Variants in PALLD observed in about 807,000 individuals in gnomAD.
The protein encoded by PALLD is palladin, cytoskeletal associated protein.
In PALLD, 61 loss-of-function variants were observed where a neutral mutation model predicts 123.5. The observed-to-expected ratio is 0.49, with a 90% CI of 0.40 to 0.61. The LOEUF (loss-of-function observed/expected upper bound fraction) is 0.61. Among genes scored for constraint, PALLD ranks in the 20% least tolerant of loss-of-function variants. The pLI is 0.00. For synonymous variants in PALLD, 465 were observed against 496.4 expected, an observed-to-expected ratio of 0.94 and a Z score of 0.84; for missense variants, 1,273 against 1,377.0, an observed-to-expected ratio of 0.92 and a Z score of 1.20.
At chr4:168,902,150 TGACA>T (rs1165209388) in intron 14 of PALLD, among the ~76,000 whole-genome samples, 1 of 152,234 alleles carries the variant, frequency 6.6e-6, no homozygotes, top group Non-Finnish European at 1.5e-5. Context: ...TCAAATACTT[TGACA>T]GACAGTTGAA....
intron 5 of PALLD, among the ~76,000 whole-genome samples, chr4:168,683,670 T>G (rs1561394686): frequency 6.6e-6 from 1 of 151,256 alleles, no homozygotes; most frequent in Non-Finnish European, 1.5e-5. Flanking sequence ...CAATATGAAC[T>G]TCTTTTAAAA....
Position 168,512,174 on chromosome 4 carries a change from A to G in PALLD, c.670A>G (p.Met224Val), listed in dbSNP as rs535797778. ...GAGTGCCTCAGCCAGCCAGAGCCCT[A>G]TGGAAGACCAAGGGGAGATGGAAAG... The part of the protein sequence containing the change: ...LLSASASQSP[M>V]EDQGEMEREV... Residue 224 changes from methionine to valine, a missense_variant, in exon 2 of 22, where the codon ATG becomes GTG. Physicochemically the swap from Met to Val is conservative, Grantham distance 21. This residue lies in a region of PALLD where 944 missense variants were observed against 954.5 expected (regional missense o/e 0.99). Coordinates refer to ENST00000505667, the MANE Select transcript of PALLD (RefSeq NM_001166108.2). 7.4e-6 allele frequency: 12 copies of G among 1,613,918 alleles called. No individual in the cohort carries two copies. The highest frequency in any genetic ancestry group is 1.3e-5 in the African/African-American group (1 of 74,888).
chr4:168,520,115 A>G (rs1049837047), intron 2 of PALLD, among the ~76,000 whole-genome samples: 1 of 152,002 alleles, frequency 6.6e-6, no homozygotes, highest in Non-Finnish European at 1.5e-5. Flanking sequence ...TCACGAGGAC[A>G]GGAGATGGAG....
chr4:168,563,374 A>G (rs553820991), intron 2 of PALLD, among the ~76,000 whole-genome samples: 40 of 152,312 alleles, frequency 2.6e-4, no homozygotes, highest in African/African-American at 8.9e-4. Context: ...GAGGTTCTCT[A>G]TCATTTAAAG....
chr4:168,911,561 T>C (rs1319576292), intron 15 of PALLD, among the ~76,000 whole-genome samples: 13 of 152,232 alleles, frequency 8.5e-5, no homozygotes, highest in Admixed American at 7.9e-4. Flanking sequence ...ATGTGTTATC[T>C]TGTATGATGC....
chr4:168,763,721 G>A (rs1284940892), intron 10 of PALLD, among the ~76,000 whole-genome samples: 1 of 152,172 alleles, frequency 6.6e-6, no homozygotes, highest in East Asian at 1.9e-4. Flanking sequence ...GAACACCAGT[G>A]CATGGAGCCA....
Position 168,668,321 on chromosome 4 carries a change from C to T in PALLD, c.1040C>T (p.Thr347Met), listed in dbSNP as rs150711066. ...DDTGRYTCLA[T>M]NPSGSDTTSA... is the part of the protein sequence containing the mutation. ...ACAGGTCGCTACACCTGTTTGGCTA[C>T]GAATCCCAGCGGCTCAGACACAACA... Residue 347 changes from threonine (T) to methionine (M), a missense_variant, in exon 3 of 22, where the codon ACG becomes ATG. Physicochemically the swap from Thr to Met is moderately conservative, Grantham distance 81. Coordinates refer to ENST00000505667, the MANE Select transcript of PALLD (RefSeq NM_001166108.2). 1.1e-3 allele frequency: 1,717 copies of T among 1,612,192 alleles called. 5 individuals carry two copies. Among genetic ancestry groups the T allele is most frequent in the Non-Finnish European group, 1.3e-3 (1,518 of 1,178,756 alleles).
chr4:168,532,129 G>A (rs907890707), intron 2 of PALLD, among the ~76,000 whole-genome samples: 7 of 152,032 alleles, frequency 4.6e-5, no homozygotes, highest in African/African-American at 1.7e-4. Context: ...GTTGTTCCCT[G>A]CTATGTGTCC....
intron 15 of PALLD, among the ~76,000 whole-genome samples, chr4:168,913,433 G>A (rs953593482): frequency 4.6e-5 from 7 of 151,966 alleles, no homozygotes; most frequent in Admixed American, 2.6e-4. Context: ...CATCGTGCCC[G>A]GCCAGCCACT....
intron 2 of PALLD, among the ~76,000 whole-genome samples, chr4:168,580,912 C>T (rs1770196632): frequency 6.6e-6 from 1 of 151,416 alleles, no homozygotes; most frequent in African/African-American, 2.4e-5. Context: ...TAATTAGCAG[C>T]CAAAAAATGA....
chr4:168,719,181 C>T (rs1014977178), intron 10 of PALLD, among the ~76,000 whole-genome samples: 38 of 150,638 alleles, frequency 2.5e-4, no homozygotes, highest in Non-Finnish European at 2.9e-5. Context: ...GCTGGGATTA[C>T]AGGCGTGAGC....
At chr4:168,526,799 GAAACAAGCTTGAAGCC>G (rs1366588678) in intron 2 of PALLD, among the ~76,000 whole-genome samples, 1 of 151,964 alleles carries the variant, frequency 6.6e-6, no homozygotes, top group African/African-American at 2.4e-5. Context: ...ATCAGAGCAG[GAAACAAGCTTGAAGCC>G]AGGGGTAAAA....
At position 168,852,422 on chromosome 4, in the gene PALLD, TGAAAA is replaced by T. The variant is rs577112575; in HGVS notation, c.1965-38485_1965-38481del. Among the ~76,000 whole-genome samples, 24 of 152,126 alleles carry T rather than the reference TGAAAA, an allele frequency of 1.6e-4. No homozygotes were observed. In the East Asian group the frequency reaches 2.5e-3, roughly 16 times the overall value. ...GAGAGAGCTGGGAAAGAAGGTAGAA[TGAAAA>T]GAAAAGAAAAGAAACAAACAAAAAC... On this transcript the variant is annotated intron_variant, in intron 10 of 21. Transcript: ENST00000505667.
intron 2 of PALLD, chr4:168,598,424 A>G (rs904993108): frequency 4.0e-5 from 25 of 626,212 alleles, no homozygotes; most frequent in Middle Eastern, 4.9e-4. Context: ...TCCAGGAAAC[A>G]TTTCTGTGAT....
intron 2 of PALLD, chr4:168,530,728 A>ACCTCACAGG (rs1554036469): frequency 6.6e-6 from 1 of 151,740 alleles, no homozygotes; most frequent in African/African-American, 2.4e-5. Flanking sequence ...TGAGGAACTT[A>ACCTCACAGG]CATCACAGGC....
chr4:168,816,942 C>G (rs908550000), intron 10 of PALLD, among the ~76,000 whole-genome samples: 2 of 150,364 alleles, frequency 1.3e-5, no homozygotes, highest in African/African-American at 4.9e-5. Context: ...AATGTTTGAA[C>G]AAGACAAAGA....
chr4:168,629,703 C>T (rs1021121509), intron 2 of PALLD, among the ~76,000 whole-genome samples: 6 of 150,830 alleles, frequency 4.0e-5, no homozygotes, highest in Admixed American at 2.0e-4. Context: ...GACCCCAAAA[C>T]GCCACAAACC....
chr4:168,657,575 T>C (rs1027260811), intron 2 of PALLD, among the ~76,000 whole-genome samples: 1 of 152,186 alleles, frequency 6.6e-6, no homozygotes, highest in African/African-American at 2.4e-5. Flanking sequence ...GGTAAGGTTT[T>C]CCTTTTAATG....
chr4:168,848,765 C>T (rs1338674798), intron 10 of PALLD, among the ~76,000 whole-genome samples: 2 of 152,144 alleles, frequency 1.3e-5, no homozygotes, highest in Non-Finnish European at 2.9e-5. Flanking sequence ...TCTTTTGCAA[C>T]GTCATAAGAT....
Sources: gnomAD v4.1 joint callset for allele counts (sites outside exome capture counted in the v4.1 genomes callset) on GRCh38, gnomAD v4.1.1 for gene constraint, gnomAD v4.1.1 regional missense constraint, MANE v1.5 for transcripts, NCBI Gene and HGNC (gene_info 2026-07-23, HGNC 2026-07-21) for gene names.